MCTP2: variants seen among roughly 807,000 people sequenced by gnomAD.
The protein encoded by MCTP2 is multiple C2 and transmembrane domain-containing protein 2.
MCTP2 carries 132 observed loss-of-function variants against 111.6 expected under a neutral mutation model. The ratio of observed to expected loss-of-function variants is 1.18; its 90% confidence interval spans 1.03 to 1.37. MCTP2 has a LOEUF of 1.37. Ranked by LOEUF, MCTP2 falls within the 40% of genes most tolerant of loss-of-function variation. The pLI is 0.00. For missense variants in MCTP2, 1,183 were observed against 1,067.9 expected, an observed-to-expected ratio of 1.11 and a Z score of -1.50; for synonymous variants, 395 against 387.7, an observed-to-expected ratio of 1.02 and a Z score of -0.22.
In MCTP2 at chr15:94,265,320, TGGCAGACAGA is replaced by T. The variant is rs374970831; in HGVS notation, c.-65-32873_-65-32864del. ...AACAGGGGTTATATGAAAATGGTAATGGCAGACAGAGGCAGACGAAGGGACTGAGTTCAGT... is the reference window on the plus strand; with the variant it reads ...AACAGGGGTTATATGAAAATGGTAATGGCAGACGAAGGGACTGAGTTCAGT... On this transcript the variant is annotated intron_variant, in intron 1 of 22. Transcript: ENST00000357742. Among the ~76,000 whole-genome samples the T allele has an allele frequency of 8.3e-3, 1,271 of 152,314 alleles. 20 individuals carry two copies. Among genetic ancestry groups the T allele is most frequent in the African/African-American group, 0.027 (1,143 of 41,568 alleles).
chr15:94,448,099 G>A (rs1275365597), intron 19 of MCTP2, among the ~76,000 whole-genome samples: 3 of 152,138 alleles, frequency 2.0e-5, no homozygotes, highest in Non-Finnish European at 4.4e-5. Flanking sequence ...AGAGGGGGTT[G>A]CCTTCCCAAT....
intron 4 of MCTP2, among the ~76,000 whole-genome samples, chr15:94,325,812 A>ACTTTTTTTTT (rs2076837382): frequency 1.1e-5 from 1 of 91,878 alleles, no homozygotes; most frequent in African/African-American, 4.5e-5. Context: ...CATCGCTCCG[A>ACTTTTTTTTT]TTTTTTTTTT....
At chr15:94,318,487 C>A (rs1395381334) in intron 4 of MCTP2, among the ~76,000 whole-genome samples, 3 of 151,996 alleles carry the variant, frequency 2.0e-5, no homozygotes, top group Non-Finnish European at 4.4e-5. Context: ...TTTCGCCAGG[C>A]TGGTCTCAAA....
At chr15:94,376,890 A>G (rs2079805981) in intron 12 of MCTP2, among the ~76,000 whole-genome samples, 1 of 152,208 alleles carries the variant, frequency 6.6e-6, no homozygotes, top group African/African-American at 2.4e-5. Context: ...TAATAGTTTT[A>G]TTAGTATAAA....
At chr15:94,443,041 T>G in intron 19 of MCTP2, 81 bp downstream of exon 19, 1 of 945,634 alleles carries the variant, frequency 1.1e-6, no homozygotes, top group Non-Finnish European at 1.5e-6. Flanking sequence ...TGAGTCTCTC[T>G]CCTCTCTTTT....
chr15:94,427,951 G>T (rs548668729), intron 17 of MCTP2, among the ~76,000 whole-genome samples: 1 of 151,900 alleles, frequency 6.6e-6, no homozygotes, highest in African/African-American at 2.4e-5. Flanking sequence ...CAATAGTATC[G>T]GAATTCTTCA....
chr15:94,334,284 T>C (rs1227436374), intron 4 of MCTP2, among the ~76,000 whole-genome samples: 1 of 152,198 alleles, frequency 6.6e-6, no homozygotes, highest in Non-Finnish European at 1.5e-5. Context: ...CCCAAAGTTA[T>C]ATAGTTAGTA....
chr15:94,298,462 G>C lies in MCTP2; in HGVS notation c.197G>C (p.Arg66Pro). Reference protein sequence around the residue: ...LEAEALAPEGRPYSGPQSSYT... With the variant: ...LEAEALAPEGPPYSGPQSSYT... Reference sequence around the variant, plus strand: ...GCTGAGGCCTTGGCCCCAGAGGGCCGGCCTTACTCCGGGCCACAGTCTTCC... The same window carrying C: ...GCTGAGGCCTTGGCCCCAGAGGGCCCGCCTTACTCCGGGCCACAGTCTTCC... Residue 66 changes from arginine to proline, a missense_variant, in exon 2 of 23, where the codon CGG (arginine) becomes CCG (proline). Coordinates refer to ENST00000357742, the MANE Select transcript of MCTP2 (RefSeq NM_001385001.1). 1 of 1,613,942 alleles carries C rather than the reference G, an allele frequency of 6.2e-7. No individual in the cohort carries two copies. Among genetic ancestry groups the C allele is most frequent in the Non-Finnish European group, 8.5e-7 (1 of 1,179,944 alleles).
chr15:94,473,746 C>T (rs2074115309), intron 21 of MCTP2, among the ~76,000 whole-genome samples: 1 of 152,178 alleles, frequency 6.6e-6, no homozygotes, highest in Admixed American at 6.5e-5. Context: ...TATTTTTTTA[C>T]ATGGAAGACA....
At chr15:94,467,400 T>C (rs962344866) in intron 20 of MCTP2, among the ~76,000 whole-genome samples, 2 of 95,828 alleles carry the variant, frequency 2.1e-5, no homozygotes, top group African/African-American at 8.5e-5. Flanking sequence ...GTACCTGATA[T>C]AGTTGTTACT....
chr15:94,299,119 T>C (rs983397085), intron 2 of MCTP2, among the ~76,000 whole-genome samples: 1 of 149,128 alleles, frequency 6.7e-6, no homozygotes, highest in African/African-American at 2.5e-5. Context: ...GAATGTTGTT[T>C]ACAAGAATTT....
chr15:94,418,726 G>T (rs1464465594), intron 17 of MCTP2, among the ~76,000 whole-genome samples: 1 of 152,104 alleles, frequency 6.6e-6, no homozygotes, highest in African/African-American at 2.4e-5. Context: ...GTAGAATATA[G>T]TGTGGCCAGT....
At chr15:94,344,983 T>G (rs2077888716) in intron 7 of MCTP2, 146 bp from the exon 8 acceptor site, 2 of 872,992 alleles carry the variant, frequency 2.3e-6, no homozygotes, top group South Asian at 3.6e-5. Context: ...TGCTCAAATA[T>G]GCTTTCTCTA....
intron 1 of MCTP2, among the ~76,000 whole-genome samples, chr15:94,269,438 GTAGAT>G (rs2073788521): frequency 6.6e-6 from 1 of 152,182 alleles, no homozygotes; most frequent in African/African-American, 2.4e-5. Context: ...AGATAATAGA[GTAGAT>G]TTGTCTTTAC....
chr15:94,474,934 T>G (rs557416103), intron 21 of MCTP2, among the ~76,000 whole-genome samples: 2 of 152,142 alleles, frequency 1.3e-5, no homozygotes, highest in Non-Finnish European at 2.9e-5. Context: ...TTTGAGCTAC[T>G]GTGCAGGTTT....
Position 94,367,683 on chromosome 15 carries a change from T to C in MCTP2, c.1380T>C (p.Ala460=). The change falls in exon 11 of 23, where the codon GCT becomes GCC. Residue 460 remains alanine (A), a synonymous_variant. Transcript: ENST00000357742. ...TGCCACTGGACAGCTGTCTGGGGGC[T>C]CTCCTTATGTTGGTCACACTTACAC... The part of the protein sequence containing the change: ...LELPLDSCLG[A]LLMLVTLTPC... The C allele has an allele frequency of 1.2e-6, 2 of 1,611,912 alleles. No homozygotes were observed. The highest frequency in any genetic ancestry group is 1.7e-6 in the Non-Finnish European group (2 of 1,179,080).
chr15:94,345,034 G>A, intron 7 of MCTP2, 95 bp from the exon 8 acceptor site: 1 of 1,387,174 alleles, frequency 7.2e-7, no homozygotes, highest in South Asian at 1.2e-5. Flanking sequence ...AATGTAACCT[G>A]GACCATCTAA....
chr15:94,310,930 A>G (rs1039313493), intron 2 of MCTP2, among the ~76,000 whole-genome samples: 1 of 151,628 alleles, frequency 6.6e-6, no homozygotes, highest in Non-Finnish European at 1.5e-5. Context: ...TGACAGAGGG[A>G]GACCTTGTCT....
chr15:94,390,102 A>ATG lies in MCTP2; in HGVS notation c.1788+4578_1788+4579insGT, dbSNP rs1488697200. On this transcript the variant is annotated intron_variant, in intron 14 of 22. Coordinates refer to ENST00000357742, the MANE Select transcript of MCTP2 (RefSeq NM_001385001.1). ...TATATATATATATGTATATATATAT[A>ATG]TATATATATATGTATATATATATAT... Among the ~76,000 whole-genome samples, 28 of 39,182 alleles carry ATG rather than the reference A, an allele frequency of 7.1e-4. 1 individual carries two copies. Among genetic ancestry groups the ATG allele is most frequent in the Non-Finnish European group, 1.1e-3 (15 of 14,238 alleles). The allele number at this position is 39,182 out of a possible 152,430, so 25.7% of individuals were successfully genotyped here. A position where few individuals can be genotyped will look rare whatever the true frequency, so the allele number is the denominator to read the frequency against.
Sources: allele counts gnomAD v4.1 joint callset (sites outside exome capture counted in the v4.1 genomes callset), GRCh38; gene constraint gnomAD v4.1.1; transcripts MANE v1.5; gene names NCBI Gene and HGNC (gene_info 2026-07-23, HGNC 2026-07-21).